The following EIF4ENIF1 variants were observed in gnomAD, a reference collection of about 807,000 sequenced individuals.
EIF4ENIF1 encodes the protein eukaryotic translation initiation factor 4E transporter.
A neutral mutation model predicts 110.5 loss-of-function variants in EIF4ENIF1; 23 were observed. The ratio of observed to expected loss-of-function variants is 0.21; its 90% CI spans 0.15 to 0.29. The LOEUF is 0.29. EIF4ENIF1 is among the 10% of genes least tolerant of loss of function. The pLI is 1.00. For missense variants in EIF4ENIF1, 1,031 were observed against 1,221.1 expected, an observed-to-expected ratio of 0.84 and a Z score of 2.32; for synonymous variants, 440 against 437.0, an observed-to-expected ratio of 1.01 and a Z score of -0.09.
At chr22:31,458,757 A>AAAGCAGACTTCTCGT in intron 6 of EIF4ENIF1, 107 bp from the exon 7 acceptor site, 1 of 1,024,514 alleles carries the variant, frequency 9.8e-7, no homozygotes, top group Non-Finnish European at 1.4e-6. Context: ...CATGACTTAA[A>AAAGCAGACTTCTCGT]AAGCAGACTT....
chr22:31,492,735 T>A (rs1229640020), upstream of EIF4ENIF1, among the ~76,000 whole-genome samples: 1 of 152,216 alleles, frequency 6.6e-6, no homozygotes, highest in Non-Finnish European at 1.5e-5. Context: ...TTTTTATTTT[T>A]ATTTTTTATT....
rs758727733 is a variant in EIF4ENIF1 at position 31,442,942 on chromosome 22, C to A, written c.2206+20G>T. On this transcript the variant is annotated intron_variant, in intron 16 of 18. Coordinates refer to ENST00000330125, the MANE Select transcript of EIF4ENIF1 (RefSeq NM_019843.4). Reference sequence around the variant, plus strand: ...CATCACATACTTTCTTGAGCAGTGCCCTTAACAGCTCTGCAGTACCTTCAC... The same window carrying A: ...CATCACATACTTTCTTGAGCAGTGCACTTAACAGCTCTGCAGTACCTTCAC... The A allele has an allele frequency of 6.2e-7, 1 of 1,613,192 alleles. No individual in the cohort carries two copies. The highest frequency in any genetic ancestry group is 1.1e-5 in the South Asian group (1 of 90,984).
rs2050516809 is a variant in EIF4ENIF1 at position 31,447,649 on chromosome 22, TATGTTAAGCAGAAGCTGA to T, written c.1849-102_1849-85del. 20 of 1,457,032 alleles carry T rather than the reference TATGTTAAGCAGAAGCTGA, an allele frequency of 1.4e-5. No individual in the cohort carries two copies. In the East Asian group the frequency reaches 4.8e-4, roughly 35 times the overall value. The allele number at this position is 1,457,032 out of a possible 1,614,324, so 90.3% of individuals were successfully genotyped here. A position where few individuals can be genotyped will look rare whatever the true frequency, so the allele number is the denominator to read the frequency against. On this transcript the variant is annotated intron_variant, in intron 13 of 18. Coordinates refer to ENST00000330125, the MANE Select transcript of EIF4ENIF1 (RefSeq NM_019843.4). ...AGGTTTCTCTTCACTCTTAGAAAGGTATGTTAAGCAGAAGCTGAAAAAAATTAGATACTGCGAAACTGA... is the reference window on the plus strand; with the variant it reads ...AGGTTTCTCTTCACTCTTAGAAAGGTAAAAAATTAGATACTGCGAAACTGA...
intron 2 of EIF4ENIF1, among the ~76,000 whole-genome samples, chr22:31,478,959 A>C (rs1365466888): frequency 6.6e-6 from 1 of 151,760 alleles, no homozygotes; most frequent in Non-Finnish European, 1.5e-5. Flanking sequence ...CAAAAAAAAA[A>C]AAAAAAAAAG....
At chr22:31,492,511 C>T (rs920041010), upstream of EIF4ENIF1, among the ~76,000 whole-genome samples, 7 of 152,148 alleles carry the variant, frequency 4.6e-5, no homozygotes, top group African/African-American at 1.4e-4. Flanking sequence ...CCTTTAATGT[C>T]TTGTAGAACT....
At chr22:31,438,711 GAT>G (rs1415724643), downstream of EIF4ENIF1, among the ~76,000 whole-genome samples, 1 of 151,954 alleles carries the variant, frequency 6.6e-6, no homozygotes, top group East Asian at 1.9e-4. Flanking sequence ...CCTAAATCAA[GAT>G]AGAGTCCAAT....
In EIF4ENIF1 at chr22:31,464,726, A is replaced by ATATATT. The variant is rs796108181; in HGVS notation, c.299-760_299-759insAATATA. On this transcript the variant is annotated intron_variant, in intron 4 of 18. Coordinates refer to ENST00000330125, the MANE Select transcript of EIF4ENIF1 (RefSeq NM_019843.4). Reference sequence around the variant, plus strand: ...TATATATATATATATATATATATATAAACAGATATATACAAAAATTAATTC... The same window carrying ATATATT: ...TATATATATATATATATATATATATATATATTAACAGATATATACAAAAATTAATTC... Among the ~76,000 whole-genome samples, 505 of 57,142 alleles carry ATATATT rather than the reference A, an allele frequency of 8.8e-3. 72 individuals are homozygous for ATATATT. Among genetic ancestry groups the ATATATT allele is most frequent in the African/African-American group, 0.02 (266 of 13,374 alleles). 37.5% of individuals were successfully genotyped at this position (57,142 alleles called of 152,430 possible).
intron 15 of EIF4ENIF1, 97 bp downstream of exon 15, chr22:31,444,509 G>A: frequency 8.7e-7 from 1 of 1,152,986 alleles, no homozygotes; most frequent in Non-Finnish European, 1.3e-6. Flanking sequence ...TCCGTGGAAG[G>A]AACTCAAGGA....
At chr22:31,453,073 A>G (rs1327599750) in intron 10 of EIF4ENIF1, among the ~76,000 whole-genome samples, 2 of 152,248 alleles carry the variant, frequency 1.3e-5, no homozygotes, top group Non-Finnish European at 2.9e-5. Flanking sequence ...TAAATTTGCT[A>G]TAACTTAGCA....
At chr22:31,457,405 C>T (rs776232669) in intron 7 of EIF4ENIF1, among the ~76,000 whole-genome samples, 1 of 152,106 alleles carries the variant, frequency 6.6e-6, no homozygotes, top group Non-Finnish European at 1.5e-5. Context: ...TGATTTTTTG[C>T]AGTATTCTTA....
At chr22:31,438,728 T>C (rs1236498132), downstream of EIF4ENIF1, among the ~76,000 whole-genome samples, 1 of 142,726 alleles carries the variant, frequency 7.0e-6, no homozygotes, top group Non-Finnish European at 1.5e-5. Context: ...TCCAATTAAC[T>C]TTTTTTTTTT....
At chr22:31,489,333 C>A (rs1221855632) in intron 1 of EIF4ENIF1, 2 of 152,704 alleles carry the variant, frequency 1.3e-5, no homozygotes, top group Non-Finnish European at 1.5e-5. Context: ...CCCGCAGCCC[C>A]TCACGCAGGC....
At chr22:31,446,536 A>G (rs867415248) in intron 14 of EIF4ENIF1, among the ~76,000 whole-genome samples, 12 of 152,310 alleles carry the variant, frequency 7.9e-5, no homozygotes, top group African/African-American at 2.6e-4. Context: ...CTGTGGTAGT[A>G]ACTTTAAGAA....
chr22:31,443,196 T>G, intron 15 of EIF4ENIF1, 102 bp from the exon 16 acceptor site: 1 of 1,494,376 alleles, frequency 6.7e-7, no homozygotes, highest in Non-Finnish European at 8.9e-7. Flanking sequence ...AGTCCCCACA[T>G]TGGTAGCATA....
Position 31,488,761 on chromosome 22 carries a change from G to A in EIF4ENIF1, c.-27-16C>T. The A allele has an allele frequency of 1.3e-6, 2 of 1,582,478 alleles. No individual in the cohort carries two copies. The highest frequency in any genetic ancestry group is 1.7e-6 in the Non-Finnish European group (2 of 1,167,620). ...TGCTCTGCACCTGGAAGATAAATCG[G>A]CACAAAATTGTCACCGAGAACAGTA... On this transcript the variant is annotated splice_polypyrimidine_tract_variant and intron_variant, in intron 1 of 18. Coordinates refer to ENST00000330125, the MANE Select transcript of EIF4ENIF1 (RefSeq NM_019843.4).
intron 4 of EIF4ENIF1, 166 bp from the exon 5 acceptor site, chr22:31,464,133 T>G (rs981177250): frequency 5.1e-6 from 4 of 784,198 alleles, no homozygotes; most frequent in Non-Finnish European, 7.8e-6. Context: ...ATTATGTATT[T>G]AAATAAGGCT....
intron 10 of EIF4ENIF1, chr22:31,450,845 ACACAC>A (rs1182266066): frequency 6.0e-4 from 4 of 6,622 alleles, no homozygotes; most frequent in Admixed American, 1.7e-3. Context: ...TATATATACT[ACACAC>A]ACACACACAC....
At chr22:31,477,868 A>G (rs1220867700) in intron 2 of EIF4ENIF1, among the ~76,000 whole-genome samples, 1 of 152,218 alleles carries the variant, frequency 6.6e-6, no homozygotes. Flanking sequence ...ACTGTTCTTG[A>G]AAAGTAAGAC....
chr22:31,482,165 CA>C lies in EIF4ENIF1; in HGVS notation c.96+6457del, dbSNP rs34248099. 9.0e-3 allele frequency among the ~76,000 whole-genome samples: 1,031 copies of C among 115,036 alleles called. 3 individuals are homozygous for C. The highest frequency in any genetic ancestry group is 0.028 in the South Asian group (101 of 3,602). The allele number at this position is 115,036 out of a possible 152,430, so 75.5% of individuals were successfully genotyped here. On this transcript the variant is annotated intron_variant, in intron 2 of 18. Transcript: ENST00000330125. ...CCTGGATAACAGTGAGAGCCTGTCT[CA>C]AAAAAAAAAAAAAAAATTCCACATG...
Sources: allele counts gnomAD v4.1 joint callset (sites outside exome capture counted in the v4.1 genomes callset), GRCh38; gene constraint gnomAD v4.1.1; transcripts MANE v1.5; gene names NCBI Gene and HGNC (gene_info 2026-07-23, HGNC 2026-07-21).